Variants in HAT1 observed in about 807,000 individuals in gnomAD.
HAT1 encodes histone acetyltransferase type B catalytic subunit.
In HAT1, 20 loss-of-function variants were observed where a neutral mutation model predicts 56.6. The observed-to-expected ratio is 0.35, with a 90% confidence interval of 0.25 to 0.51. HAT1 has a LOEUF of 0.51. HAT1 is among the 20% of genes least tolerant of loss of function. HAT1 has a pLI of 0.95. For missense variants in HAT1, 408 were observed against 504.3 expected (o/e 0.81, Z 1.83); for synonymous variants, 146 against 165.5 (o/e 0.88, Z 0.91).
Position 171,974,137 on chromosome 2 carries a change from C to T in HAT1, c.824-2020C>T, listed in dbSNP as rs1412335654. ...GAGGCTGCCGTGAGCCAAGATCGTA[C>T]ACTGCACTGCAGCCTGGGTGAGTGA... On this transcript the variant is annotated intron_variant, in intron 8 of 10. Transcript: ENST00000264108. Among the ~76,000 whole-genome samples the T allele has an allele frequency of 2.5e-5, 3 of 121,304 alleles. No homozygotes were observed. The Admixed American group carries it at 3.2e-4, about 13-fold the overall frequency. The allele number at this position is 121,304 out of a possible 152,430, so 79.6% of individuals were successfully genotyped here.
chr2:171,941,686 G>A (rs143401729), intron 2 of HAT1, among the ~76,000 whole-genome samples: 166 of 152,268 alleles, frequency 1.1e-3, no homozygotes, highest in African/African-American at 3.8e-3. Flanking sequence ...AGAAGGCGGC[G>A]CTCAGGCAGT....
intron 2 of HAT1, among the ~76,000 whole-genome samples, chr2:171,940,518 A>T (rs1170315870): frequency 6.6e-6 from 1 of 152,248 alleles, no homozygotes; most frequent in African/African-American, 2.4e-5. Context: ...ACTCTTCACC[A>T]GTAGTAAAGG....
At chr2:171,933,642 G>A (rs1369189508) in intron 2 of HAT1, among the ~76,000 whole-genome samples, 3 of 151,822 alleles carry the variant, frequency 2.0e-5, no homozygotes, top group Non-Finnish European at 4.4e-5. Flanking sequence ...TTTCCCTTGC[G>A]ACTTCTTTTT....
intron 2 of HAT1, among the ~76,000 whole-genome samples, chr2:171,941,189 T>C (rs1227363226): frequency 6.6e-6 from 1 of 152,170 alleles, no homozygotes; most frequent in Non-Finnish European, 1.5e-5. Context: ...CACTACTCAC[T>C]GATAGGGTTG....
intron 1 of HAT1, chr2:171,924,076 C>T (rs969495265): frequency 1.3e-5 from 2 of 152,172 alleles, no homozygotes; most frequent in Non-Finnish European, 2.9e-5. Context: ...TCACTCCAGA[C>T]TATTAATCTG....
intron 1 of HAT1, chr2:171,923,706 T>G (rs1400915877): frequency 6.6e-6 from 1 of 152,242 alleles, no homozygotes; most frequent in Non-Finnish European, 1.5e-5. Context: ...AGGACTTTTC[T>G]ACCAGATGGA....
chr2:171,966,552 A>G lies in HAT1; in HGVS notation c.716+39A>G, dbSNP rs369905578. On this transcript the variant is annotated intron_variant, in intron 7 of 10. Transcript: ENST00000264108. The stretch of plus-strand genomic sequence containing the variant: ...TAACACGTGCCTTGTCTTTTATTTC[A>G]GAAGAAGGAACTGCTGAAGTTTCCA... The G allele has an allele frequency of 5.8e-5, 53 of 914,546 alleles. No individual in the cohort carries two copies. In the Middle Eastern group the frequency reaches 1.7e-3, roughly 29 times the overall value. The allele number at this position is 914,546 out of a possible 1,614,324, so 56.7% of individuals were successfully genotyped here. A position where few individuals can be genotyped will look rare whatever the true frequency, so the allele number is the denominator to read the frequency against.
intron 2 of HAT1, among the ~76,000 whole-genome samples, chr2:171,936,003 G>A (rs1048100340): frequency 2.0e-5 from 3 of 152,190 alleles, no homozygotes; most frequent in Non-Finnish European, 2.9e-5. Context: ...TGTCAATAAT[G>A]ATAAATAAAG....
chr2:171,933,465 T>C (rs1431077194), intron 2 of HAT1, among the ~76,000 whole-genome samples: 1 of 151,952 alleles, frequency 6.6e-6, no homozygotes, highest in Non-Finnish European at 1.5e-5. Flanking sequence ...TTACCTCTAG[T>C]TGCAGTGAGC....
intron 2 of HAT1, among the ~76,000 whole-genome samples, chr2:171,941,879 T>C (rs906867165): frequency 6.6e-6 from 1 of 152,162 alleles, no homozygotes; most frequent in Non-Finnish European, 1.5e-5. Flanking sequence ...TCCATTTTTC[T>C]ACAAAAGTGT....
In HAT1 at chr2:171,976,197, T is replaced by C. The variant is rs1189666259; in HGVS notation, c.864T>C (p.Phe288=). The C allele has an allele frequency of 8.8e-6, 14 of 1,597,798 alleles. No homozygotes were observed. In the South Asian group the frequency reaches 1.1e-4, roughly 13 times the overall value. ...AAAGCTATGTGAAATTACGAGACTTTGTGCTTGTGAAGCTTTGTCAAGATT... is the reference window on the plus strand; with the variant it reads ...AAAGCTATGTGAAATTACGAGACTTCGTGCTTGTGAAGCTTTGTCAAGATT... ...PSKSYVKLRD[F]VLVKLCQDLP... The change falls in exon 9 of 11, where the codon TTT becomes TTC. Residue 288 remains phenylalanine (F), a synonymous_variant. Coordinates refer to ENST00000264108, the MANE Select transcript of HAT1 (RefSeq NM_003642.4).
chr2:171,938,816 C>T (rs897934908), intron 2 of HAT1, among the ~76,000 whole-genome samples: 1 of 152,056 alleles, frequency 6.6e-6, no homozygotes. Context: ...TCTCAGCTCA[C>T]TGCAACCTCC....
intron 2 of HAT1, among the ~76,000 whole-genome samples, chr2:171,945,091 G>A (rs1687124640): frequency 6.6e-6 from 1 of 152,082 alleles, no homozygotes; most frequent in Non-Finnish European, 1.5e-5. Flanking sequence ...GGCTGGTCTT[G>A]AACTCCTGAC....
chr2:171,952,995 T>C lies in HAT1; in HGVS notation c.303T>C (p.Cys101=). The change falls in exon 4 of 11, where the codon TGT becomes TGC. Residue 101 remains cysteine, a synonymous_variant. Transcript: ENST00000264108. The part of the protein sequence containing the change: ...YASKVDENFD[C]VEADDVEGKI... ...CTAAAGTTGATGAGAACTTTGACTG[T>C]GTAGAGGTAAGAACAGAAATACTTT... 1 of 1,575,552 alleles carries C rather than the reference T, an allele frequency of 6.3e-7. No individual in the cohort carries two copies. Among genetic ancestry groups the C allele is most frequent in the Non-Finnish European group, 8.6e-7 (1 of 1,157,016 alleles).
intron 3 of HAT1, among the ~76,000 whole-genome samples, chr2:171,949,153 A>G (rs1007258651): frequency 2.0e-5 from 3 of 152,138 alleles, no homozygotes; most frequent in African/African-American, 7.2e-5. Context: ...ACTATAAGAA[A>G]GAGCTCTTCT....
At chr2:171,969,137 T>C (rs1687753038) in intron 8 of HAT1, among the ~76,000 whole-genome samples, 1 of 152,226 alleles carries the variant, frequency 6.6e-6, no homozygotes, top group Non-Finnish European at 1.5e-5. Flanking sequence ...ACATCTCAGT[T>C]GTATAACTTT....
At chr2:171,947,876 C>CA (rs1455632496) in intron 3 of HAT1, among the ~76,000 whole-genome samples, 2 of 151,712 alleles carry the variant, frequency 1.3e-5, no homozygotes, top group African/African-American at 4.8e-5. Context: ...GAGACTGTCT[C>CA]AAAAAAACAA....
intron 4 of HAT1, among the ~76,000 whole-genome samples, chr2:171,960,503 A>G (rs1025122779): frequency 4.6e-5 from 7 of 152,186 alleles, no homozygotes; most frequent in Non-Finnish European, 1.0e-4. Flanking sequence ...GTTATTTCTT[A>G]TTAGGATTAT....
At chr2:171,943,989 T>A (rs1414286077) in intron 2 of HAT1, among the ~76,000 whole-genome samples, 4 of 151,748 alleles carry the variant, frequency 2.6e-5, no homozygotes. Flanking sequence ...TACAAAAAAT[T>A]TAAAAAATTA....
Sources: allele counts gnomAD v4.1 joint callset (sites outside exome capture counted in the v4.1 genomes callset), GRCh38; gene constraint gnomAD v4.1.1; transcripts MANE v1.5; gene names NCBI Gene and HGNC (gene_info 2026-07-23, HGNC 2026-07-21).